Variants in SPATA16 observed in about 807,000 individuals in gnomAD.
SPATA16 encodes spermatogenesis-associated protein 16.
Under a neutral mutation model 63.3 loss-of-function variants are expected in SPATA16, and 36 were observed. The observed-to-expected ratio is 0.57, with a 90% CI of 0.44 to 0.75. SPATA16 has a LOEUF of 0.75. Among genes scored for constraint, SPATA16 ranks in the 30% least tolerant of loss-of-function variants. The probability of loss-of-function intolerance (pLI) is 0.00; values close to 1 mark genes in which losing one functional copy is unlikely to be tolerated. For missense variants in SPATA16, 646 were observed against 679.3 expected (o/e 0.95, Z 0.54); for synonymous variants, 203 against 216.7 (o/e 0.94, Z 0.56).
chr3:172,998,923 T>TTAAA (rs1734754563), intron 4 of SPATA16, among the ~76,000 whole-genome samples: 1 of 152,194 alleles, frequency 6.6e-6, no homozygotes, highest in Non-Finnish European at 1.5e-5. Context: ...TGATTCTTTT[T>TTAAA]ACGTATTATT....
chr3:172,943,939 A>G (rs1465981781), intron 6 of SPATA16, among the ~76,000 whole-genome samples: 1 of 152,180 alleles, frequency 6.6e-6, no homozygotes, highest in African/African-American at 2.4e-5. Flanking sequence ...AATAGTAAAA[A>G]TACCATTTTC....
chr3:173,079,657 C>T (rs566502648), intron 2 of SPATA16, among the ~76,000 whole-genome samples: 3 of 152,134 alleles, frequency 2.0e-5, no homozygotes, highest in East Asian at 3.9e-4. Flanking sequence ...TGGTATGCAC[C>T]GGTTAGCCAG....
rs147694885 is a variant in SPATA16, at chr3:173,004,328, C to T, written c.848+15158G>A. On this transcript the variant is annotated intron_variant, in intron 4 of 10. Transcript: ENST00000351008. ...GTCTTGCTCTATGTAATTTGAAGTT[C>T]CACCTTTCCATCTTGGGGGACTCCA... Among the ~76,000 whole-genome samples the T allele has an allele frequency of 5.1e-4, 77 of 151,880 alleles. 1 individual carries two copies. The highest frequency in any genetic ancestry group is 8.8e-4 in the Non-Finnish European group (60 of 67,942).
intron 4 of SPATA16, among the ~76,000 whole-genome samples, chr3:172,990,525 G>C (rs780296288): frequency 6.6e-6 from 1 of 152,136 alleles, no homozygotes; most frequent in Non-Finnish European, 1.5e-5. Flanking sequence ...AGGTAGGGGA[G>C]GATAGCAATG....
chr3:172,960,876 T>TCTTC (rs917364023), intron 5 of SPATA16, among the ~76,000 whole-genome samples: 3 of 37,432 alleles, frequency 8.0e-5, no homozygotes, highest in African/African-American at 4.8e-4. Context: ...TTTCTTTCTC[T>TCTTC]CTTTCTTTCT....
intron 2 of SPATA16, among the ~76,000 whole-genome samples, chr3:173,100,737 A>G (rs1389322206): frequency 6.6e-6 from 1 of 151,622 alleles, no homozygotes; most frequent in Non-Finnish European, 1.5e-5. Context: ...CAATTTTTAC[A>G]ATTAATTTTA....
At position 173,077,779 on chromosome 3, in the gene SPATA16, A is replaced by G. The variant is rs112815031; in HGVS notation, c.613-28685T>C. On this transcript the variant is annotated intron_variant, in intron 2 of 10. Transcript: ENST00000351008. ...CTGAAAGAAAGAGAAAGATTCACCC[A>G]GACATATAGGAGGTGAATTTCTGTA... Among the ~76,000 whole-genome samples the G allele has an allele frequency of 2.7e-3, 415 of 152,328 alleles. 1 individual carries two copies. Among genetic ancestry groups the G allele is most frequent in the African/African-American group, 9.5e-3 (395 of 41,588 alleles).
In SPATA16 at chr3:173,138,269, G is replaced by A. The variant is rs555937327; in HGVS notation, c.-19+2834C>T. Among the ~76,000 whole-genome samples the A allele has an allele frequency of 2.6e-5, 4 of 152,122 alleles. No individual in the cohort carries two copies. In the East Asian group the frequency reaches 5.8e-4, roughly 22 times the overall value. On this transcript the variant is annotated intron_variant, in intron 1 of 10. Coordinates refer to ENST00000351008, the MANE Select transcript of SPATA16 (RefSeq NM_031955.6). ...GAAATCAGATGAACACCCACAATGT[G>A]GAATTTCCTAAGGAAAGTTATTCTG...
intron 5 of SPATA16, among the ~76,000 whole-genome samples, chr3:172,957,733 T>C (rs1208207525): frequency 6.6e-6 from 1 of 152,178 alleles, no homozygotes; most frequent in Admixed American, 6.6e-5. Context: ...ATAATAGATA[T>C]AAGCTTTTCA....
chr3:173,008,036 T>C (rs1344448617), intron 4 of SPATA16, among the ~76,000 whole-genome samples: 4 of 152,208 alleles, frequency 2.6e-5, no homozygotes, highest in South Asian at 2.1e-4. Flanking sequence ...AAAATATATT[T>C]AGTGATATTT....
intron 8 of SPATA16, among the ~76,000 whole-genome samples, chr3:172,921,088 A>T (rs1732606118): frequency 6.7e-6 from 1 of 148,958 alleles, no homozygotes. Context: ...TTTTGGGTAG[A>T]ATGGAGTCTC....
chr3:172,981,073 CA>C (rs1473488635), intron 4 of SPATA16, among the ~76,000 whole-genome samples: 1 of 152,188 alleles, frequency 6.6e-6, no homozygotes, highest in East Asian at 1.9e-4. Context: ...AGGCGCAAGT[CA>C]TACAATAGCT....
chr3:173,003,288 A>C (rs981370482), intron 4 of SPATA16, among the ~76,000 whole-genome samples: 16 of 152,336 alleles, frequency 1.1e-4, no homozygotes, highest in African/African-American at 3.8e-4. Flanking sequence ...AAATGTACTA[A>C]AAATGCTCAG....
chr3:173,116,425 A>G (rs544245184), intron 2 of SPATA16, among the ~76,000 whole-genome samples: 104 of 152,338 alleles, frequency 6.8e-4, no homozygotes, highest in Middle Eastern at 3.4e-3. Flanking sequence ...CTATAGGTAC[A>G]GTATGTCATG....
chr3:172,949,630 A>C (rs1405653581), intron 6 of SPATA16, among the ~76,000 whole-genome samples: 1 of 152,156 alleles, frequency 6.6e-6, no homozygotes, highest in Non-Finnish European at 1.5e-5. Flanking sequence ...GATTCAGGAA[A>C]AATAAAGTGT....
chr3:172,929,030 C>T (rs1732804495), intron 6 of SPATA16, among the ~76,000 whole-genome samples: 1 of 152,174 alleles, frequency 6.6e-6, no homozygotes, highest in Non-Finnish European at 1.5e-5. Flanking sequence ...TACCTGTGTC[C>T]GAAAAGCTCT....
At chr3:173,089,780 G>A (rs555559196) in intron 2 of SPATA16, among the ~76,000 whole-genome samples, 2 of 152,248 alleles carry the variant, frequency 1.3e-5, no homozygotes, top group African/African-American at 4.8e-5. Flanking sequence ...AGGAGGAAAC[G>A]GGAAGGTGCT....
In SPATA16 at chr3:173,049,061, A is replaced by G; in HGVS notation, c.646T>C (p.Phe216Leu). The G allele has an allele frequency of 6.2e-7, 1 of 1,613,716 alleles. No individual in the cohort carries two copies. Among genetic ancestry groups the G allele is most frequent in the Middle Eastern group, 1.7e-4 (1 of 6,058 alleles). ...CSKGAVLGEPFDAPAEDIASV... is the reference protein window; with the variant it reads ...CSKGAVLGEPLDAPAEDIASV... The stretch of plus-strand genomic sequence containing the variant: ...GCTATATCTTCAGCAGGTGCATCAA[A>G]TGGTTCTCCCAGAACTGCTCCTTTG... Residue 216 changes from phenylalanine (F) to leucine (L), a missense_variant, in exon 3 of 11, where the codon TTT (phenylalanine) becomes CTT (leucine). Coordinates refer to ENST00000351008, the MANE Select transcript of SPATA16 (RefSeq NM_031955.6).
chr3:173,072,269 T>A (rs1301273098), intron 2 of SPATA16, among the ~76,000 whole-genome samples: 1 of 152,216 alleles, frequency 6.6e-6, no homozygotes, highest in Non-Finnish European at 1.5e-5. Context: ...TGCAGCCACC[T>A]TGATGCAGCT....
Sources: allele counts gnomAD v4.1 joint callset (sites outside exome capture counted in the v4.1 genomes callset), GRCh38; gene constraint gnomAD v4.1.1; transcripts MANE v1.5; gene names NCBI Gene and HGNC (gene_info 2026-07-23, HGNC 2026-07-21).